INPPL1: variants seen among roughly 807,000 people sequenced by gnomAD.
INPPL1 encodes inositol polyphosphate phosphatase like 1.
A neutral mutation model predicts 139.3 loss-of-function variants in INPPL1; 91 were observed. The ratio of observed to expected loss-of-function variants is 0.65; its 90% CI spans 0.55 to 0.78. The LOEUF (loss-of-function observed/expected upper bound fraction) is 0.78, where lower values mean the gene tolerates loss of function less well. Ranked by LOEUF, INPPL1 falls within the 30% of genes least tolerant of loss-of-function variation. The pLI is 0.00. For synonymous variants in INPPL1, 719 were observed against 686.6 expected (o/e 1.05, Z -0.74); for missense variants, 1,411 against 1,665.6 (o/e 0.85, Z 2.66).
At position 72,228,468 on chromosome 11, in the gene INPPL1, C is replaced by T. The variant is rs753208760; in HGVS notation, c.367C>T (p.Pro123Ser). The change falls in exon 3 of 28, where the codon CCG becomes TCG. Residue 123 changes from proline to serine, a missense_variant. By Grantham distance (74) the Pro-to-Ser change is moderately conservative. Around this residue, in one of 5 missense-constraint regions of INPPL1, gnomAD observed 504 missense variants for 595.6 expected, o/e 0.85. Coordinates refer to ENST00000298229, the MANE Select transcript of INPPL1 (RefSeq NM_001567.4). This position sits in a 1 kb window ranked among gnomAD's most constrained non-coding sequence, Gnocchi z 5.0. The stretch of plus-strand genomic sequence containing the variant: ...TCTTCCTGTAGAGGGTGAGCGAGAG[C>T]CGGACCCACCGGATGACCGGGATGC... Reference protein sequence around the residue: ...LLLPVEGEREPDPPDDRDASD... With the variant: ...LLLPVEGERESDPPDDRDASD... 10 of 1,609,178 alleles carry T rather than the reference C, an allele frequency of 6.2e-6. No homozygotes were observed. In the Admixed American group the frequency reaches 1.2e-4, roughly 19 times the overall value.
intron 25 of INPPL1, among the ~76,000 whole-genome samples, chr11:72,236,619 C>T (rs939346981): frequency 2.0e-5 from 3 of 152,150 alleles, no homozygotes; most frequent in Non-Finnish European, 4.4e-5. Context: ...TAATTATATC[C>T]GATTGTTGCT....
Position 72,229,078 on chromosome 11 carries a change from C to T in INPPL1, c.519-12C>T, listed in dbSNP as rs1948756588. 6.3e-6 allele frequency: 10 copies of T among 1,599,222 alleles called. No homozygotes were observed. Among genetic ancestry groups the T allele is most frequent in the South Asian group, 1.1e-5 (1 of 89,126 alleles). Reference sequence around the variant, plus strand: ...GCAGGACCTCCACTGACTTCTTAACCCCTCCCCAAAGTGCTCCCAATGGGC... The same window carrying T: ...GCAGGACCTCCACTGACTTCTTAACTCCTCCCCAAAGTGCTCCCAATGGGC... On this transcript the variant is annotated splice_polypyrimidine_tract_variant and intron_variant, in intron 4 of 27. Coordinates refer to ENST00000298229, the MANE Select transcript of INPPL1 (RefSeq NM_001567.4).
rs558207388 is a variant in INPPL1, at chr11:72,232,282, C to A, written c.1658C>A (p.Thr553Asn). ...AVGVSFMFNG[T>N]SFGFVNCHLT... ...GGCGTCTCCTTCATGTTTAATGGCA[C>A]CTCATTTGGCTTTGTGAATTGTCAC... is the stretch of plus-strand genomic sequence containing the variant. The change falls in exon 14 of 28, where the codon ACC becomes AAC. Residue 553 changes from threonine (T) to asparagine (N), a missense_variant. Thr to Asn is a moderately conservative substitution (Grantham distance 65, BLOSUM62 0). This residue lies in a region of INPPL1 where 363 missense variants were observed against 446.2 expected (regional missense o/e 0.81). Coordinates refer to ENST00000298229, the MANE Select transcript of INPPL1 (RefSeq NM_001567.4). 6.4e-7 allele frequency: 1 copy of A among 1,556,988 alleles called. No individual in the cohort carries two copies. Among genetic ancestry groups the A allele is most frequent in the Admixed American group, 1.9e-5 (1 of 51,514 alleles).
intron 13 of INPPL1, among the ~76,000 whole-genome samples, chr11:72,231,984 T>TG (rs1020396036): frequency 9.2e-5 from 14 of 152,116 alleles, no homozygotes; most frequent in Admixed American, 8.5e-4. Flanking sequence ...GCTTCACCCT[T>TG]GGGGTCCCCT....
chr11:72,238,226 T>G, intron 27 of INPPL1, 37 bp from the exon 28 acceptor site: 1 of 1,613,518 alleles, frequency 6.2e-7, no homozygotes, highest in Non-Finnish European at 8.5e-7. Flanking sequence ...CAGGATCCCC[T>G]TGCCCATCTC....
chr11:72,237,997 C>T, intron 26 of INPPL1, 45 bp from the exon 27 acceptor site: 3 of 1,509,496 alleles, frequency 2.0e-6, no homozygotes, highest in Non-Finnish European at 1.8e-6. Flanking sequence ...GCAGGTGTTT[C>T]TATGGGGGGC....
Position 72,233,514 on chromosome 11 carries a change from A to G in INPPL1, c.2114A>G (p.Asn705Ser), listed in dbSNP as rs758592412. The part of the protein sequence containing the change: ...KSYPETHIIC[N>S]SYGCTDDIVT... ...TACCCTGAAACTCACATCATCTGCAATTCTTATGGTCAGAGCCTCCCGGAC... is the reference window on the plus strand; with the variant it reads ...TACCCTGAAACTCACATCATCTGCAGTTCTTATGGTCAGAGCCTCCCGGAC... Residue 705 changes from asparagine (N) to serine (S), a missense_variant, in exon 18 of 28, where the codon AAT (asparagine) becomes AGT (serine). This residue lies in a region of INPPL1 where 363 missense variants were observed against 446.2 expected (regional missense o/e 0.81). Coordinates refer to ENST00000298229, the MANE Select transcript of INPPL1 (RefSeq NM_001567.4). 10 of 1,613,904 alleles carry G rather than the reference A, an allele frequency of 6.2e-6. No individual in the cohort carries two copies. The highest frequency in any genetic ancestry group is 5.5e-5 in the South Asian group (5 of 91,088).
rs376286088 is a variant in INPPL1, at chr11:72,231,093, T to C, written c.1401T>C (p.Tyr467=). ...EVTVTIPHDI[Y]VFGTQENSVG... is the part of the protein sequence containing the mutation. ...CAGTGACCATACCCCATGACATCTA[T>C]GTCTTTGGGACCCAGGAGAACTCAG... The change falls in exon 12 of 28, where the codon TAT becomes TAC. Residue 467 remains tyrosine (Y), a synonymous_variant. Coordinates refer to ENST00000298229, the MANE Select transcript of INPPL1 (RefSeq NM_001567.4). The C allele has an allele frequency of 6.2e-7, 1 of 1,614,030 alleles. No individual in the cohort carries two copies. The highest frequency in any genetic ancestry group is 8.5e-7 in the Non-Finnish European group (1 of 1,179,998).
Position 72,230,013 on chromosome 11 carries a change from CT to C in INPPL1, c.936del (p.Phe312LeufsTer3). The C allele has an allele frequency of 6.2e-7, 1 of 1,614,234 alleles. No individual in the cohort carries two copies. The highest frequency in any genetic ancestry group is 8.5e-7 in the Non-Finnish European group (1 of 1,180,040). On this transcript the variant is annotated frameshift_variant, in exon 8 of 28. Coordinates refer to ENST00000298229, the MANE Select transcript of INPPL1 (RefSeq NM_001567.4). LOFTEE classifies it high-confidence loss of function. ...AGGCCAAGACCATCCCCGTGCAGGC[CT>C]TTGAGGTACATGGCAGTGGGGCCTC... Reference protein sequence around the residue: ...RKAKTIPVQAFEVKLDVTLGD... With the variant: ...RKAKTIPVQAXEVKLDVTLGD...
At chr11:72,233,792 A>ACCACCTGTGCCCAC in intron 19 of INPPL1, 48 bp downstream of exon 19, 4 of 1,515,222 alleles carry the variant, frequency 2.6e-6, no homozygotes, top group Non-Finnish European at 3.7e-6. Flanking sequence ...CTAGGTGGGC[A>ACCACCTGTGCCCAC]CAGGTGGTGG....
intron 1 of INPPL1, chr11:72,227,732 G>A (rs1191156200): frequency 7.1e-5 from 15 of 210,768 alleles, no homozygotes; most frequent in African/African-American, 1.1e-4. Context: ...AGACATACCC[G>A]ACTCCAGCAG....
intron 5 of INPPL1, 93 bp downstream of exon 5, chr11:72,229,323 C>A: frequency 1.4e-6 from 2 of 1,445,744 alleles, no homozygotes; most frequent in Non-Finnish European, 1.9e-6. Context: ...ATCTCTGATC[C>A]TGAACAGTGA....
rs1184960316 is a variant in INPPL1 at position 72,232,641 on chromosome 11, C to G, written c.1728C>G (p.Tyr576Ter). 1.2e-6 allele frequency: 2 copies of G among 1,613,868 alleles called. No homozygotes were observed. The highest frequency in any genetic ancestry group is 1.7e-6 in the Non-Finnish European group (2 of 1,179,980). ...CTCACCCTAGGAGGAACCAAAACTA[C>G]TTGGACATCCTGCGGCTGCTCTCGC... ...NEKTARRNQN[Y>*]LDILRLLSLG... Residue 576 changes from tyrosine to a stop codon, truncating the protein, a stop_gained, in exon 15 of 28, where the codon TAC becomes TAG. Coordinates refer to ENST00000298229, the MANE Select transcript of INPPL1 (RefSeq NM_001567.4). LOFTEE classifies it high-confidence loss of function.
At position 72,232,671 on chromosome 11, in the gene INPPL1, C is replaced by T. The variant is rs758842715; in HGVS notation, c.1758C>T (p.Gly586=). The T allele has an allele frequency of 6.8e-6, 11 of 1,613,882 alleles. No homozygotes were observed. The highest frequency in any genetic ancestry group is 4.5e-5 in the East Asian group (2 of 44,870). Residue 586 remains glycine (G), a synonymous_variant, in exon 15 of 28, where the codon GGC becomes GGT. Coordinates refer to ENST00000298229, the MANE Select transcript of INPPL1 (RefSeq NM_001567.4). The stretch of plus-strand genomic sequence containing the variant: ...ACATCCTGCGGCTGCTCTCGCTGGG[C>T]GACCGGCAGCTCAATGCCTTTGACA... ...YLDILRLLSL[G]DRQLNAFDIS... is the part of the protein sequence containing the mutation.
At chr11:72,227,977 G>C in intron 1 of INPPL1, 1 of 570,268 alleles carries the variant, frequency 1.8e-6, no homozygotes, top group Admixed American at 2.8e-5. Context: ...GTGGGGAGAC[G>C]GGGGTGTTCT....
chr11:72,234,265 C>T lies in INPPL1; in HGVS notation c.2213-16C>T. The T allele has an allele frequency of 6.3e-7, 1 of 1,578,468 alleles. No individual in the cohort carries two copies. Among genetic ancestry groups the T allele is most frequent in the Non-Finnish European group, 8.7e-7 (1 of 1,147,896 alleles). Reference sequence around the variant, plus strand: ...CCTCTCAGTCCTCCTGTTTGTTCTCCTCCCTTTCTCCTCAGGGCTCTCAAA... The same window carrying T: ...CCTCTCAGTCCTCCTGTTTGTTCTCTTCCCTTTCTCCTCAGGGCTCTCAAA... On this transcript the variant is annotated splice_polypyrimidine_tract_variant and intron_variant, in intron 19 of 27. Coordinates refer to ENST00000298229, the MANE Select transcript of INPPL1 (RefSeq NM_001567.4). This position sits in a 1 kb window ranked among gnomAD's most constrained non-coding sequence, Gnocchi z 4.2.
rs776764071 is a variant in INPPL1 at position 72,228,242 on chromosome 11, T to C, written c.235T>C (p.Leu79=). 6.2e-7 allele frequency: 1 copy of C among 1,614,128 alleles called. No individual in the cohort carries two copies. Among genetic ancestry groups the C allele is most frequent in the South Asian group, 1.1e-5 (1 of 91,086 alleles). Residue 79 remains leucine, a synonymous_variant, in exon 2 of 28, where the codon TTG becomes CTG. Transcript: ENST00000298229. This position sits in a 1 kb window ranked among gnomAD's most constrained non-coding sequence, Gnocchi z 5.0. ...CATTCTGCCTGATGGAGAAGATTTC[T>C]TGGCTGTGCAGGTAGGAGCTTGGGC... is the stretch of plus-strand genomic sequence containing the variant. ...YRILPDGEDF[L]AVQTSQGVPV...
In INPPL1 at chr11:72,230,180, G is replaced by A. The variant is rs367942510; in HGVS notation, c.999G>A (p.Thr333=). 4 of 1,612,118 alleles carry A rather than the reference G, an allele frequency of 2.5e-6. No homozygotes were observed. The highest frequency in any genetic ancestry group is 3.4e-6 in the Non-Finnish European group (4 of 1,178,582). The change falls in exon 9 of 28, where the codon ACG becomes ACA. Residue 333 remains threonine, a synonymous_variant. Coordinates refer to ENST00000298229, the MANE Select transcript of INPPL1 (RefSeq NM_001567.4). ...LTKIGKSQKF[T]LSVDVEGGRL... is the part of the protein sequence containing the mutation. ...AGATTGGGAAGTCACAGAAGTTCAC[G>A]CTGAGCGTGGATGTGGAGGGTGGGC... is the stretch of plus-strand genomic sequence containing the variant.
rs1949005688 is a variant in INPPL1, at chr11:72,237,047, G to A, written c.2880-77G>A. 19 of 1,361,672 alleles carry A rather than the reference G, an allele frequency of 1.4e-5. 2 individuals carry two copies. In the South Asian group the frequency reaches 2.6e-4, roughly 19 times the overall value. 84.3% of individuals were successfully genotyped at this position (1,361,672 alleles called of 1,614,324 possible). ...CAGGGGACTTTCTGACTCCCGTCTA[G>A]TTCTCCTTCCACTGCTTCCACTGCC... On this transcript the variant is annotated intron_variant, in intron 25 of 27. Coordinates refer to ENST00000298229, the MANE Select transcript of INPPL1 (RefSeq NM_001567.4).
Sources: gnomAD v4.1 joint callset for allele counts (sites outside exome capture counted in the v4.1 genomes callset) on GRCh38, gnomAD v4.1.1 for gene constraint, gnomAD v4.1.1 regional missense constraint, Gnocchi (gnomAD v3.1) non-coding constraint, MANE v1.5 for transcripts, NCBI Gene and HGNC (gene_info 2026-07-23, HGNC 2026-07-21) for gene names.